Variants in C20orf96 observed in about 807,000 individuals in gnomAD.
C20orf96 encodes uncharacterized protein C20orf96.
C20orf96 carries 57 observed loss-of-function variants against 52.6 expected under a neutral mutation model. The observed-to-expected ratio is 1.08, with a 90% CI of 0.88 to 1.35. The LOEUF is 1.35. C20orf96 is among the 40% of genes most tolerant of loss of function. The pLI, the probability that C20orf96 is intolerant of heterozygous loss-of-function variation, is 0.00. For synonymous variants in C20orf96, 168 were observed against 157.2 expected, an observed-to-expected ratio of 1.07 and a Z score of -0.51; for missense variants, 478 against 443.6, an observed-to-expected ratio of 1.08 and a Z score of -0.70.
At chr20:283,922 C>T in intron 4 of C20orf96, 41 bp downstream of exon 4, 1 of 1,403,394 alleles carries the variant, frequency 7.1e-7, no homozygotes, top group Non-Finnish European at 1.0e-6. Flanking sequence ...CATCCCCGTC[C>T]CTGTCCTGGG....
At chr20:275,916 G>C in intron 10 of C20orf96, 52 bp downstream of exon 10, 1 of 1,533,320 alleles carries the variant, frequency 6.5e-7, no homozygotes, top group Non-Finnish European at 9.0e-7. Context: ...GAGAGCCTCC[G>C]TGAGCTCAGA....
chr20:279,102 CGGAGGGAG>C (rs750445498), intron 5 of C20orf96, 62 bp downstream of exon 5: 9 of 609,438 alleles, frequency 1.5e-5, no homozygotes, highest in African/African-American at 1.1e-4. Flanking sequence ...GACGGAGGGA[CGGAGGGAG>C]GGAGGGAGGG....
In C20orf96 at chr20:277,271, G is replaced by C. The variant is rs1568490388; in HGVS notation, c.678C>G (p.Ile226Met). The stretch of plus-strand genomic sequence containing the variant: ...GCTGCAGCTGGCGCATAAGAGTGGA[G>C]ATCTGGACAGACTTGATGGAATACT... The part of the protein sequence containing the change: ...DHEYSIKSVQ[I>M]STLMRQLQQV... The change falls in exon 7 of 11, where the codon ATC becomes ATG. Residue 226 changes from isoleucine to methionine, a missense_variant. By Grantham distance (10) the Ile-to-Met change is conservative (BLOSUM62 1). Coordinates refer to ENST00000360321, the MANE Select transcript of C20orf96 (RefSeq NM_153269.3). 1.2e-6 allele frequency: 2 copies of C among 1,614,192 alleles called. No homozygotes were observed.
chr20:271,181 G>A lies in C20orf96; in HGVS notation c.*26C>T. On this transcript the variant is annotated 3_prime_UTR_variant, in exon 11 of 11. Transcript: ENST00000360321. ...CCAGGTGCTGGGAAGAGAGCAGGAG[G>A]GGAGGGCGGCCCATGGCACTGCCAT... is the stretch of plus-strand genomic sequence containing the variant. The A allele has an allele frequency of 1.3e-6, 2 of 1,544,784 alleles. No individual in the cohort carries two copies. Among genetic ancestry groups the A allele is most frequent in the Non-Finnish European group, 1.8e-6 (2 of 1,140,676 alleles).
At chr20:273,808 C>T (rs144037093) in intron 10 of C20orf96, among the ~76,000 whole-genome samples, 5,103 of 150,314 alleles carry the variant, frequency 0.034, 163 homozygotes, top group African/African-American at 0.087. Context: ...ACCCAGGAGG[C>T]GGAGGTTGCA....
At chr20:289,779 G>T in intron 2 of C20orf96, 103 bp from the exon 3 acceptor site, 2 of 868,194 alleles carry the variant, frequency 2.3e-6, no homozygotes, top group Non-Finnish European at 3.9e-6. Context: ...CCTCTCCTGA[G>T]CCTCAATCTT....
At position 271,195 on chromosome 20, in the gene C20orf96, T is replaced by C. The variant is rs569697659; in HGVS notation, c.*12A>G. On this transcript the variant is annotated 3_prime_UTR_variant, in exon 11 of 11. Transcript: ENST00000360321. ...GAGAGCAGGAGGGGAGGGCGGCCCA[T>C]GGCACTGCCATCTAGAAGGGTAGTG... 5.6e-5 allele frequency: 87 copies of C among 1,552,684 alleles called. No individual in the cohort carries two copies. Among genetic ancestry groups the C allele is most frequent in the East Asian group, 4.9e-4 (20 of 41,208 alleles).
At chr20:285,905 G>A (rs1473983741) in intron 3 of C20orf96, among the ~76,000 whole-genome samples, 1 of 152,118 alleles carries the variant, frequency 6.6e-6, no homozygotes, top group Non-Finnish European at 1.5e-5. Context: ...TTAAGTATTA[G>A]ATATACAAGA....
At position 275,965 on chromosome 20, in the gene C20orf96, T is replaced by A. The variant is rs756500081; in HGVS notation, c.1031+3A>T. On this transcript the variant is annotated splice_donor_region_variant and intron_variant, in intron 10 of 10. Coordinates refer to ENST00000360321, the MANE Select transcript of C20orf96 (RefSeq NM_153269.3). ...AAGAGGCAGTGGCAAAAAGATCACA[T>A]ACTTGGGTCTCCGAAGCAGAACATC... The A allele has an allele frequency of 2.5e-6, 4 of 1,613,548 alleles. No individual in the cohort carries two copies. The South Asian group carries it at 3.3e-5, about 13-fold the overall frequency.
Position 276,098 on chromosome 20 carries a change from G to C in C20orf96, c.913-12C>G, listed in dbSNP as rs2012013053. On this transcript the variant is annotated splice_polypyrimidine_tract_variant and intron_variant, in intron 9 of 10. Transcript: ENST00000360321. Reference sequence around the variant, plus strand: ...AACTGGTCAATAATCTGAGAGGAAAGGCACAGCAGGGGAGAAGGGAGAGGC... The same window carrying C: ...AACTGGTCAATAATCTGAGAGGAAACGCACAGCAGGGGAGAAGGGAGAGGC... 6.2e-7 allele frequency: 1 copy of C among 1,612,714 alleles called. No homozygotes were observed. The highest frequency in any genetic ancestry group is 8.5e-7 in the Non-Finnish European group (1 of 1,179,904).
Position 279,288 on chromosome 20 carries a change from T to C in C20orf96, c.349A>G (p.Ser117Gly), listed in dbSNP as rs532299971. ...SGRAALRELR[S>G]RENFLSKLNR... ...AGCTTGCTGAGGAAGTTCTCACGGC[T>C]TCGGAGCTCTCGCAGAGCGGCCCTC... Residue 117 changes from serine (S) to glycine (G), a missense_variant, in exon 5 of 11, where the codon AGC becomes GGC. Ser to Gly is a moderately conservative substitution (Grantham distance 56). Coordinates refer to ENST00000360321, the MANE Select transcript of C20orf96 (RefSeq NM_153269.3). 3.2e-5 allele frequency: 51 copies of C among 1,609,250 alleles called. No individual in the cohort carries two copies. In the Admixed American group the frequency reaches 3.7e-4, roughly 12 times the overall value.
At chr20:282,103 G>A (rs1383029672) in intron 4 of C20orf96, among the ~76,000 whole-genome samples, 3 of 152,140 alleles carry the variant, frequency 2.0e-5, no homozygotes, top group Non-Finnish European at 4.4e-5. Context: ...AAAATACCCA[G>A]AAGTATCTTG....
chr20:284,120 T>G, intron 3 of C20orf96, 39 bp from the exon 4 acceptor site: 2 of 1,550,412 alleles, frequency 1.3e-6, no homozygotes, highest in Non-Finnish European at 1.8e-6. Context: ...AGAGTGAGGG[T>G]CCCGGAAGGC....
Position 283,959 on chromosome 20 carries a change from A to G in C20orf96, c.306+4T>C, listed in dbSNP as rs1444389668. The G allele has an allele frequency of 6.2e-7, 1 of 1,601,968 alleles. No homozygotes were observed. Among genetic ancestry groups the G allele is most frequent in the Non-Finnish European group, 8.6e-7 (1 of 1,169,014 alleles). ...CCAGTGTCCAGGGAAGATGTGCCTC[A>G]TACCTTCATTAACCAGATTTTGGCA... On this transcript the variant is annotated splice_donor_region_variant and intron_variant, in intron 4 of 10. Coordinates refer to ENST00000360321, the MANE Select transcript of C20orf96 (RefSeq NM_153269.3).
intron 4 of C20orf96, among the ~76,000 whole-genome samples, chr20:283,113 A>C (rs2012293197): frequency 1.3e-5 from 2 of 152,174 alleles, no homozygotes; most frequent in Admixed American, 6.5e-5. Flanking sequence ...ACTTTCTGCT[A>C]TGTATGCTAA....
At position 279,140 on chromosome 20, in the gene C20orf96, G is replaced by A; in HGVS notation, c.465+32C>T. 4 of 1,495,670 alleles carry A rather than the reference G, an allele frequency of 2.7e-6. 1 individual carries two copies. Among genetic ancestry groups the A allele is most frequent in the South Asian group, 1.2e-5 (1 of 83,660 alleles). The allele number at this position is 1,495,670 out of a possible 1,614,324, so 92.6% of individuals were successfully genotyped here. ...GGAGGGACGGAGGTTGGGACGGAGGGACGGAGGGCGGGCGGATGCCGCGGG... is the reference window on the plus strand; with the variant it reads ...GGAGGGACGGAGGTTGGGACGGAGGAACGGAGGGCGGGCGGATGCCGCGGG... On this transcript the variant is annotated intron_variant, in intron 5 of 10. Transcript: ENST00000360321.
At chr20:274,259 G>C (rs1392556789) in intron 10 of C20orf96, among the ~76,000 whole-genome samples, 10 of 152,006 alleles carry the variant, frequency 6.6e-5, no homozygotes, top group Non-Finnish European at 1.2e-4. Context: ...GCATCCATGA[G>C]TGTATTGCTC....
intron 5 of C20orf96, 36 bp from the exon 6 acceptor site, chr20:278,465 C>T: frequency 6.4e-7 from 1 of 1,557,656 alleles, no homozygotes; most frequent in Non-Finnish European, 8.9e-7. Context: ...CCCACAGGCT[C>T]TGCTGGCTCT....
chr20:275,235 G>A (rs2011979151), intron 10 of C20orf96, among the ~76,000 whole-genome samples: 2 of 152,172 alleles, frequency 1.3e-5, no homozygotes, highest in South Asian at 4.1e-4. Context: ...TTAGTTCCAT[G>A]AGGGCGGGAC....
Sources: allele counts gnomAD v4.1 joint callset (sites outside exome capture counted in the v4.1 genomes callset), GRCh38; gene constraint gnomAD v4.1.1; transcripts MANE v1.5; gene names NCBI Gene and HGNC (gene_info 2026-07-23, HGNC 2026-07-21).